Variants in TIMM23B observed in about 807,000 individuals in gnomAD.
TIMM23B encodes the protein mitochondrial import inner membrane translocase subunit Tim23B.
TIMM23B carries 27 observed loss-of-function variants against 27.3 expected under a neutral mutation model. The ratio of observed to expected loss-of-function variants is 0.99; its 90% CI spans 0.73 to 1.36. The LOEUF (loss-of-function observed/expected upper bound fraction) is 1.36. Ranked by LOEUF, TIMM23B falls within the 40% of genes most tolerant of loss-of-function variation. The probability of loss-of-function intolerance (pLI) is 0.00; values close to 1 mark genes in which losing one functional copy is unlikely to be tolerated. For missense variants in TIMM23B, 205 were observed against 244.2 expected, an observed-to-expected ratio of 0.84 and a Z score of 1.07; for synonymous variants, 73 against 92.4, an observed-to-expected ratio of 0.79 and a Z score of 1.21.
rs1251185361 is a variant in TIMM23B at position 49,958,393 on chromosome 10, GTCA to G, written c.432_434del (p.Ile145del). On this transcript the variant is annotated inframe_deletion, in exon 6 of 7. Transcript: ENST00000651259. ...AGCGTTGCTCTATAGTGCATTTGGT[GTCA>G]TCATTGAGAAAACACGAGGTGCAGA... 2 of 1,613,756 alleles carry G rather than the reference GTCA, an allele frequency of 1.2e-6. No homozygotes were observed. Among genetic ancestry groups the G allele is most frequent in the African/African-American group, 2.7e-5 (2 of 74,884 alleles).
intron 2 of TIMM23B, among the ~76,000 whole-genome samples, chr10:49,947,119 A>T (rs1311542941): frequency 1.3e-5 from 2 of 152,216 alleles, no homozygotes; most frequent in Non-Finnish European, 2.9e-5. Context: ...GCAAAATGTT[A>T]CCACCAAATG....
chr10:49,955,189 T>A (rs1410063976), intron 5 of TIMM23B, 129 bp downstream of exon 5: 2 of 996,774 alleles, frequency 2.0e-6, no homozygotes, highest in Non-Finnish European at 3.1e-6. Context: ...TCCATTCCAA[T>A]GCATAATGTA....
intron 5 of TIMM23B, among the ~76,000 whole-genome samples, chr10:49,957,661 T>G (rs1450199351): frequency 6.6e-6 from 1 of 152,062 alleles, no homozygotes; most frequent in Non-Finnish European, 1.5e-5. Context: ...GGAGTTGGGG[T>G]GCACTAGCCT....
intron 2 of TIMM23B, among the ~76,000 whole-genome samples, chr10:49,949,012 T>C (rs878890778): frequency 1.3e-5 from 2 of 152,176 alleles, no homozygotes; most frequent in Non-Finnish European, 2.9e-5. Context: ...CTCATCCTCC[T>C]AGATAGCTAG....
chr10:49,956,048 C>T (rs1213465718), intron 5 of TIMM23B, among the ~76,000 whole-genome samples: 1 of 150,552 alleles, frequency 6.6e-6, no homozygotes, highest in African/African-American at 2.5e-5. Flanking sequence ...CCGCCCACCC[C>T]GCCCCACAGT....
At chr10:49,960,416 CTT>C (rs1839859849) in intron 6 of TIMM23B, among the ~76,000 whole-genome samples, 1 of 150,528 alleles carries the variant, frequency 6.6e-6, no homozygotes, top group Admixed American at 6.6e-5. Context: ...TTTTTCTTGA[CTT>C]TTCAGTCTTA....
chr10:49,953,875 CCCTCT>C (rs1342120638), intron 4 of TIMM23B, among the ~76,000 whole-genome samples: 2 of 152,296 alleles, frequency 1.3e-5, no homozygotes, highest in Non-Finnish European at 2.9e-5. Context: ...TATCCCATCT[CCCTCT>C]CCTCTCCCAC....
At chr10:49,957,631 G>A (rs1392687928) in intron 5 of TIMM23B, among the ~76,000 whole-genome samples, 2 of 152,098 alleles carry the variant, frequency 1.3e-5, no homozygotes, top group South Asian at 2.1e-4. Flanking sequence ...GGCCCTGAGT[G>A]CAGGAGCTTT....
chr10:49,958,313 T>A, intron 5 of TIMM23B, 57 bp from the exon 6 acceptor site: 1 of 1,298,450 alleles, frequency 7.7e-7, no homozygotes, highest in Admixed American at 1.7e-5. Context: ...TATATGTATA[T>A]CATAATATCA....
intron 5 of TIMM23B, among the ~76,000 whole-genome samples, chr10:49,956,168 G>A (rs1472424081): frequency 6.6e-5 from 10 of 151,788 alleles, no homozygotes; most frequent in Admixed American, 4.0e-4. Flanking sequence ...AGAGGAAGAT[G>A]AACTTTCATA....
chr10:49,971,737 A>G (rs1192922664), intron 6 of TIMM23B, among the ~76,000 whole-genome samples: 1 of 152,190 alleles, frequency 6.6e-6, no homozygotes, highest in Non-Finnish European at 1.5e-5. Flanking sequence ...AAAGATTTTC[A>G]TGAGTCTCTT....
chr10:49,964,271 C>T (rs1554855041), intron 6 of TIMM23B, among the ~76,000 whole-genome samples: 2 of 149,440 alleles, frequency 1.3e-5, no homozygotes, highest in African/African-American at 5.0e-5. Context: ...GGTGTGGTGG[C>T]ACACTCCAGC....
At chr10:49,954,735 T>C (rs1438855027) in intron 4 of TIMM23B, among the ~76,000 whole-genome samples, 2 of 71,374 alleles carry the variant, frequency 2.8e-5, no homozygotes, top group African/African-American at 9.5e-5. Context: ...GAGTTTTCCT[T>C]ATTATTATTA....
At chr10:49,947,686 T>G (rs1839398066) in intron 2 of TIMM23B, among the ~76,000 whole-genome samples, 1 of 152,036 alleles carries the variant, frequency 6.6e-6, no homozygotes, top group South Asian at 2.1e-4. Context: ...CCAACACTTT[T>G]AAGAGGCTGA....
At chr10:49,961,202 A>G (rs1198638568) in intron 6 of TIMM23B, among the ~76,000 whole-genome samples, 5 of 149,230 alleles carry the variant, frequency 3.4e-5, no homozygotes, top group African/African-American at 1.2e-4. Context: ...TGACCAACAT[A>G]GAGAAATCCG....
Position 49,973,988 on chromosome 10 carries a change from G to C in TIMM23B, c.*924G>C, listed in dbSNP as rs1177386902. 3 of 131,548 alleles carry C rather than the reference G, an allele frequency of 2.3e-5. No homozygotes were observed. Among genetic ancestry groups the C allele is most frequent in the African/African-American group, 9.2e-5 (3 of 32,570 alleles). The allele number at this position is 131,548 out of a possible 1,614,324, so 8.1% of individuals were successfully genotyped here. On this transcript the variant is annotated 3_prime_UTR_variant, in exon 7 of 7. Transcript: ENST00000651259. ...GGCTAATTTTTTGTGTTTTAGTAGA[G>C]ACGGGGTTTTACCATGTTGGCCAGG...
rs1430114214 is a variant in TIMM23B at position 49,968,287 on chromosome 10, C to T, written c.515-4725C>T. 4.6e-5 allele frequency among the ~76,000 whole-genome samples: 7 copies of T among 152,336 alleles called. No individual in the cohort carries two copies. In the Middle Eastern group the frequency reaches 0.01, roughly 222 times the overall value. ...CTTACGGATAAAGTTTGAAATGCAA[C>T]CTATTTTCAATAGAAAAAAGCCTCT... On this transcript the variant is annotated intron_variant, in intron 6 of 6. Coordinates refer to ENST00000651259, the MANE Select transcript of TIMM23B (RefSeq NM_001290117.2).
chr10:49,945,212 C>A (rs1839318725), intron 2 of TIMM23B, 122 bp downstream of exon 2: 2 of 877,782 alleles, frequency 2.3e-6, no homozygotes. Flanking sequence ...GGTCTCCATT[C>A]ACCCTTTTTT....
At chr10:49,969,684 A>G (rs1275003816) in intron 6 of TIMM23B, among the ~76,000 whole-genome samples, 1 of 151,832 alleles carries the variant, frequency 6.6e-6, no homozygotes, top group African/African-American at 2.4e-5. Context: ...ACCCTGTCTC[A>G]AAAAAAGAAA....
Sources: gnomAD v4.1 joint callset for allele counts (sites outside exome capture counted in the v4.1 genomes callset) on GRCh38, gnomAD v4.1.1 for gene constraint, MANE v1.5 for transcripts, NCBI Gene and HGNC (gene_info 2026-07-23, HGNC 2026-07-21) for gene names.